The following PLCB1 variants were observed in gnomAD, a reference collection of about 807,000 sequenced individuals.
The protein encoded by PLCB1 is 1-phosphatidylinositol 4,5-bisphosphate phosphodiesterase beta-1.
A neutral mutation model predicts 161.8 loss-of-function variants in PLCB1; 46 were observed. That is an observed-to-expected ratio of 0.28 (90% CI 0.22 to 0.36). PLCB1 has a LOEUF of 0.36. PLCB1 is among the 10% of genes least tolerant of loss of function. The pLI, the probability that PLCB1 is intolerant of heterozygous loss-of-function variation, is 1.00. For synonymous variants in PLCB1, 517 were observed against 503.7 expected (o/e 1.03, Z -0.35); for missense variants, 1,016 against 1,472.5 (o/e 0.69, Z 5.07).
intron 31 of PLCB1, among the ~76,000 whole-genome samples, chr20:8,851,869 CT>C (rs1345090666): frequency 6.6e-6 from 1 of 151,802 alleles, no homozygotes; most frequent in Non-Finnish European, 1.5e-5. Context: ...ACCCTGGCAT[CT>C]TTTTCCCCCA....
chr20:8,644,321 C>T (rs1247505765), intron 4 of PLCB1, among the ~76,000 whole-genome samples: 1 of 150,328 alleles, frequency 6.7e-6, no homozygotes, highest in Non-Finnish European at 1.5e-5. Flanking sequence ...AGCGTCTCTG[C>T]CCGGCCGCCA....
intron 15 of PLCB1, among the ~76,000 whole-genome samples, chr20:8,723,709 G>A (rs1416196087): frequency 6.6e-6 from 1 of 152,074 alleles, no homozygotes; most frequent in Admixed American, 6.6e-5. Flanking sequence ...GTGAGGCACA[G>A]AGCAATTAAG....
Position 8,738,948 on chromosome 20 carries a change from G to A in PLCB1, c.2209-313G>A, listed in dbSNP as rs952822679. Among the ~76,000 whole-genome samples the A allele has an allele frequency of 3.9e-5, 6 of 152,100 alleles. 1 individual carries two copies. Among genetic ancestry groups the A allele is most frequent in the Admixed American group, 6.5e-5 (1 of 15,274 alleles). On this transcript the variant is annotated intron_variant, in intron 20 of 31. Coordinates refer to ENST00000338037, the MANE Select transcript of PLCB1 (RefSeq NM_015192.4). ...GTGGATCACCTGAGGTCGGGAGTTC[G>A]AGACCAGCCTGACCAATATGGTGAA...
chr20:8,132,550 C>T lies in PLCB1; in HGVS notation c.-102C>T, dbSNP rs1462296080. On this transcript the variant is annotated 5_prime_UTR_variant, in exon 1 of 32. Transcript: ENST00000338037. This position sits in a 1 kb window ranked among gnomAD's most constrained non-coding sequence, Gnocchi z 5.2. ...GGCGGGGAGCAGAGTCGAGCGCCTC[C>T]GGAGCAGAGAAAGGAGCCCGCGCCC... 4.5e-6 allele frequency: 3 copies of T among 664,866 alleles called. No individual in the cohort carries two copies. Among genetic ancestry groups the T allele is most frequent in the Non-Finnish European group, 2.3e-6 (1 of 430,298 alleles). 41.2% of individuals were successfully genotyped at this position (664,866 alleles called of 1,614,324 possible). A position where few individuals can be genotyped will look rare whatever the true frequency, so the allele number is the denominator to read the frequency against.
At chr20:8,812,009 G>A (rs1332950813) in intron 31 of PLCB1, among the ~76,000 whole-genome samples, 1 of 152,206 alleles carries the variant, frequency 6.6e-6, no homozygotes, top group Admixed American at 6.5e-5. Flanking sequence ...ATCCTCATTA[G>A]CAAGTGAAAA....
chr20:8,508,773 T>A (rs892257319), intron 3 of PLCB1, among the ~76,000 whole-genome samples: 6 of 152,050 alleles, frequency 3.9e-5, no homozygotes, highest in Non-Finnish European at 8.8e-5. Flanking sequence ...ATTTAAAACA[T>A]GTATATGCTT....
intron 1 of PLCB1, among the ~76,000 whole-genome samples, chr20:8,133,758 G>C (rs1199449184): frequency 1.3e-5 from 2 of 152,188 alleles, no homozygotes; most frequent in Admixed American, 1.3e-4. Flanking sequence ...GAGTTGCCAG[G>C]CTCTAAGCAA....
In PLCB1 at chr20:8,194,634, A is replaced by G. The variant is rs562569691; in HGVS notation, c.177+44263A>G. On this transcript the variant is annotated intron_variant, in intron 2 of 31. Transcript: ENST00000338037. ...GAAAAAATATGGAAACATGGATGAA[A>G]TTTGTTTTATAGATTTGCAGGATGC... Among the ~76,000 whole-genome samples, 13 of 152,130 alleles carry G rather than the reference A, an allele frequency of 8.5e-5. No individual in the cohort carries two copies. The East Asian group carries it at 2.5e-3, about 29-fold the overall frequency.
chr20:8,682,150 T>A (rs1181002992), intron 9 of PLCB1, among the ~76,000 whole-genome samples: 1 of 152,044 alleles, frequency 6.6e-6, no homozygotes, highest in East Asian at 1.9e-4. Context: ...GGAAAAGAGA[T>A]AGGGGAGAAG....
intron 2 of PLCB1, among the ~76,000 whole-genome samples, chr20:8,250,546 T>TA (rs140134500): frequency 0.03 from 4,544 of 151,322 alleles, 87 homozygotes; most frequent in Non-Finnish European, 0.044. Flanking sequence ...CCTTTCCTTT[T>TA]AAAAAAAAAT....
At chr20:8,563,470 C>G (rs1986215234) in intron 3 of PLCB1, among the ~76,000 whole-genome samples, 1 of 151,970 alleles carries the variant, frequency 6.6e-6, no homozygotes, top group African/African-American at 2.4e-5. Flanking sequence ...GAGGTGAAGG[C>G]TGGCTGATGC....
At chr20:8,228,924 T>C (rs1385830361) in intron 2 of PLCB1, among the ~76,000 whole-genome samples, 1 of 152,086 alleles carries the variant, frequency 6.6e-6, no homozygotes, top group Non-Finnish European at 1.5e-5. Context: ...TTATATATAT[T>C]TGAAAATATA....
intron 1 of PLCB1, among the ~76,000 whole-genome samples, chr20:8,135,813 G>T (rs1365809954): frequency 1.3e-5 from 2 of 152,178 alleles, no homozygotes; most frequent in Non-Finnish European, 2.9e-5. Context: ...CTGTTAGCAG[G>T]CTCTGGTGGT....
intron 31 of PLCB1, among the ~76,000 whole-genome samples, chr20:8,863,455 G>T (rs1987323695): frequency 1.3e-5 from 2 of 152,150 alleles, no homozygotes; most frequent in Admixed American, 6.5e-5. Context: ...CACACTTTGG[G>T]ATTCATCAGA....
chr20:8,276,586 T>C (rs1982557149), intron 2 of PLCB1, among the ~76,000 whole-genome samples: 1 of 152,232 alleles, frequency 6.6e-6, no homozygotes, highest in African/African-American at 2.4e-5. Context: ...GTTAACTCCT[T>C]AAATGAGATT....
chr20:8,755,859 A>G (rs138101827), intron 23 of PLCB1, among the ~76,000 whole-genome samples: 1 of 152,354 alleles, frequency 6.6e-6, no homozygotes, highest in East Asian at 1.9e-4. Context: ...TTTTCAGATG[A>G]TTAGCCTTGG....
At chr20:8,643,749 C>T (rs1213001742) in intron 4 of PLCB1, among the ~76,000 whole-genome samples, 1 of 100,102 alleles carries the variant, frequency 1.0e-5, no homozygotes, top group Non-Finnish European at 2.0e-5. Context: ...ATAGCCCTCT[C>T]CCTCTCCCTC....
chr20:8,384,947 A>C (rs1204094367), intron 3 of PLCB1, among the ~76,000 whole-genome samples: 2 of 152,140 alleles, frequency 1.3e-5, no homozygotes, highest in Non-Finnish European at 2.9e-5. Context: ...ACCTGATGCG[A>C]GTAGGATCGC....
intron 2 of PLCB1, among the ~76,000 whole-genome samples, chr20:8,163,675 T>C (rs1029285583): frequency 6.6e-6 from 1 of 152,178 alleles, no homozygotes; most frequent in African/African-American, 2.4e-5. Flanking sequence ...TCAGAAGGCA[T>C]GGAAATGCCG....
Sources: allele counts gnomAD v4.1 joint callset (sites outside exome capture counted in the v4.1 genomes callset), GRCh38; gene constraint gnomAD v4.1.1; non-coding constraint Gnocchi (gnomAD v3.1); transcripts MANE v1.5; gene names NCBI Gene and HGNC (gene_info 2026-07-23, HGNC 2026-07-21).